The following GOLGA4 variants were observed in gnomAD, a reference collection of about 807,000 sequenced individuals.
GOLGA4 encodes golgin A4.
Under a neutral mutation model 265.9 loss-of-function variants are expected in GOLGA4, and 169 were observed. The observed-to-expected ratio is 0.64, with a 90% CI of 0.56 to 0.72. GOLGA4 has a LOEUF of 0.72. GOLGA4 is among the 30% of genes least tolerant of loss of function. GOLGA4 has a pLI of 0.00. For synonymous variants in GOLGA4, 923 were observed against 855.8 expected, an observed-to-expected ratio of 1.08 and a Z score of -1.37; for missense variants, 2,482 against 2,483.4, an observed-to-expected ratio of 1.00 and a Z score of 0.01.
chr3:37,260,208 A>T (rs1003999108), intron 2 of GOLGA4, among the ~76,000 whole-genome samples: 2 of 151,718 alleles, frequency 1.3e-5, no homozygotes, highest in African/African-American at 4.8e-5. Flanking sequence ...AAGAAAGTTT[A>T]TGAACTTGTG....
chr3:37,362,780 C>CCTTT (rs1375290747), intron 23 of GOLGA4, among the ~76,000 whole-genome samples: 3 of 75,460 alleles, frequency 4.0e-5, no homozygotes, highest in African/African-American at 1.0e-4. Context: ...AGCCTCTAAG[C>CCTTT]TTTTTTTTTT....
intron 2 of GOLGA4, among the ~76,000 whole-genome samples, chr3:37,278,634 A>G (rs1008336331): frequency 1.2e-4 from 18 of 152,222 alleles, no homozygotes; most frequent in African/African-American, 4.1e-4. Flanking sequence ...AATGTAGGTG[A>G]TATTCAGGAA....
intron 20 of GOLGA4, among the ~76,000 whole-genome samples, chr3:37,340,766 C>A (rs2097030963): frequency 6.6e-6 from 1 of 152,158 alleles, no homozygotes; most frequent in South Asian, 2.1e-4. Flanking sequence ...CATGTTGTTC[C>A]AATGGCAGAG....
intron 10 of GOLGA4, among the ~76,000 whole-genome samples, chr3:37,312,754 G>C (rs2096926516): frequency 6.6e-6 from 1 of 151,900 alleles, no homozygotes; most frequent in African/African-American, 2.4e-5. Context: ...GAACTCCTAG[G>C]CTCAGGCAAT....
chr3:37,256,025 A>G (rs2096747721), intron 2 of GOLGA4, among the ~76,000 whole-genome samples: 1 of 152,194 alleles, frequency 6.6e-6, no homozygotes, highest in Non-Finnish European at 1.5e-5. Flanking sequence ...CTGAGGCAAG[A>G]GGATCCCTTG....
At chr3:37,268,274 G>C (rs2096788945) in intron 2 of GOLGA4, among the ~76,000 whole-genome samples, 1 of 151,960 alleles carries the variant, frequency 6.6e-6, no homozygotes. Context: ...TTTAGAGAGA[G>C]AGTCTCAGAA....
intron 10 of GOLGA4, among the ~76,000 whole-genome samples, chr3:37,305,831 T>G (rs2096904568): frequency 6.6e-6 from 1 of 152,206 alleles, no homozygotes; most frequent in African/African-American, 2.4e-5. Flanking sequence ...ATGTGAATAT[T>G]AGTAGACAAA....
chr3:37,324,408 A>G lies in GOLGA4; in HGVS notation c.2522A>G (p.Gln841Arg). 1 of 1,614,226 alleles carries G rather than the reference A, an allele frequency of 6.2e-7. No individual in the cohort carries two copies. Reference protein sequence around the residue: ...LETERILLTKQVAEVEAQKKD... With the variant: ...LETERILLTKRVAEVEAQKKD... ...ACAGAAAGAATTCTTCTTACCAAAC[A>G]GGTTGCTGAAGTTGAAGCACAAAAG... The change falls in exon 14 of 24, where the codon CAG (glutamine) becomes CGG (arginine). Residue 841 changes from glutamine to arginine, a missense_variant. Physicochemically the swap from Gln to Arg is conservative, Grantham distance 43. This residue lies in a region of GOLGA4 where 1,536 missense variants were observed against 1,483.7 expected (regional missense o/e 1.04). Coordinates refer to ENST00000361924, the MANE Select transcript of GOLGA4 (RefSeq NM_002078.5).
chr3:37,327,134 A>G lies in GOLGA4; in HGVS notation c.5248A>G (p.Lys1750Glu), dbSNP rs2096973866. The change falls in exon 14 of 24, where the codon AAG becomes GAG. Residue 1750 changes from lysine to glutamate, a missense_variant. Coordinates refer to ENST00000361924, the MANE Select transcript of GOLGA4 (RefSeq NM_002078.5). Reference protein sequence around the residue: ...VLQRNLTEKEKLLQRVGQEKE... With the variant: ...VLQRNLTEKEELLQRVGQEKE... ...ACAAAGAAACTTAACTGAAAAAGAA[A>G]AGCTATTGCAGAGGGTAGGGCAGGA... 9.3e-6 allele frequency: 15 copies of G among 1,613,462 alleles called. No homozygotes were observed. The highest frequency in any genetic ancestry group is 1.3e-5 in the Non-Finnish European group (15 of 1,179,694).
At chr3:37,362,240 A>T (rs1406554475) in intron 23 of GOLGA4, among the ~76,000 whole-genome samples, 1,143 of 93,964 alleles carry the variant, frequency 0.012, 17 homozygotes, top group African/African-American at 0.041. Context: ...TTTATTTATT[A>T]TTTTTTTTTT....
intron 16 of GOLGA4, among the ~76,000 whole-genome samples, chr3:37,333,895 T>G (rs545197440): frequency 1.3e-5 from 2 of 152,376 alleles, no homozygotes; most frequent in South Asian, 4.1e-4. Context: ...CATTGCCTTA[T>G]TTTGTGCCAT....
intron 3 of GOLGA4, among the ~76,000 whole-genome samples, chr3:37,284,517 G>A (rs2096843075): frequency 6.6e-6 from 1 of 152,060 alleles, no homozygotes; most frequent in African/African-American, 2.4e-5. Context: ...CTCCCAGAGT[G>A]CTGAGATTAC....
chr3:37,308,868 C>T (rs1225680007), intron 10 of GOLGA4, among the ~76,000 whole-genome samples: 6 of 151,992 alleles, frequency 3.9e-5, no homozygotes, highest in African/African-American at 7.2e-5. Context: ...CCCGCCTCGG[C>T]CTCCCAAAGG....
chr3:37,269,766 C>G (rs2096793111), intron 2 of GOLGA4, among the ~76,000 whole-genome samples: 1 of 151,658 alleles, frequency 6.6e-6, no homozygotes, highest in South Asian at 2.1e-4. Flanking sequence ...ATAAGCTATC[C>G]TGCATTTATT....
chr3:37,340,032 A>T lies in GOLGA4; in HGVS notation c.6397-92A>T, dbSNP rs1042160009. On this transcript the variant is annotated intron_variant, in intron 19 of 23. Transcript: ENST00000361924. ...TATTTGCCTATATTCTGTCTTCAGC[A>T]TTAAAAAACCTTGTGGTGACAGCAA... 3 of 606,162 alleles carry T rather than the reference A, an allele frequency of 4.9e-6. No individual in the cohort carries two copies. The Admixed American group carries it at 9.2e-5, about 19-fold the overall frequency. The allele number at this position is 606,162 out of a possible 1,614,324, so 37.5% of individuals were successfully genotyped here.
At chr3:37,293,253 GC>G (rs2096869583) in intron 5 of GOLGA4, among the ~76,000 whole-genome samples, 1 of 152,100 alleles carries the variant, frequency 6.6e-6, no homozygotes, top group Non-Finnish European at 1.5e-5. Context: ...TTTGAATGTG[GC>G]CCAGCACAAA....
intron 10 of GOLGA4, among the ~76,000 whole-genome samples, chr3:37,312,720 C>A (rs1465893893): frequency 6.6e-6 from 1 of 151,934 alleles, no homozygotes; most frequent in African/African-American, 2.4e-5. Flanking sequence ...GATGGGATTT[C>A]ACTGTGTTGC....
At chr3:37,358,146 G>A (rs765785192) in intron 22 of GOLGA4, among the ~76,000 whole-genome samples, 93 of 152,164 alleles carry the variant, frequency 6.1e-4, no homozygotes, top group Non-Finnish European at 7.1e-4. Flanking sequence ...TGTTGACAGC[G>A]TGCAGCCCAT....
intron 3 of GOLGA4, among the ~76,000 whole-genome samples, chr3:37,285,052 G>A (rs150366108): frequency 3.3e-4 from 51 of 152,252 alleles, no homozygotes; most frequent in African/African-American, 1.2e-3. Context: ...AGCTCAAATA[G>A]GGGATGCTTC....
Sources: gnomAD v4.1 joint callset for allele counts (sites outside exome capture counted in the v4.1 genomes callset) on GRCh38, gnomAD v4.1.1 for gene constraint, gnomAD v4.1.1 regional missense constraint, MANE v1.5 for transcripts, NCBI Gene and HGNC (gene_info 2026-07-23, HGNC 2026-07-21) for gene names.